The following PCDH15 variants were observed in gnomAD, a reference collection of about 807,000 sequenced individuals.
PCDH15 encodes the protein protocadherin related 15, also known as protocadherin-15.
Under a neutral mutation model 178.5 loss-of-function variants are expected in PCDH15, and 129 were observed. That is an observed-to-expected ratio of 0.72 (90% confidence interval 0.63 to 0.84). PCDH15 has a LOEUF of 0.84. Ranked by LOEUF, PCDH15 falls within the 40% of genes least tolerant of loss-of-function variation. The probability of loss-of-function intolerance (pLI) is 0.00; values close to 1 mark genes in which losing one functional copy is unlikely to be tolerated. For synonymous variants in PCDH15, 800 were observed against 732.0 expected, an observed-to-expected ratio of 1.09 and a Z score of -1.50; for missense variants, 2,230 against 2,099.9, an observed-to-expected ratio of 1.06 and a Z score of -1.21.
At chr10:54,774,138 C>T (rs1049909901) in intron 1 of PCDH15, among the ~76,000 whole-genome samples, 3 of 150,232 alleles carry the variant, frequency 2.0e-5, no homozygotes, top group African/African-American at 7.3e-5. Context: ...ACACCACTCT[C>T]CTGCCTCAAC....
At position 54,921,173 on chromosome 10, in the gene PCDH15, C is replaced by A. The variant is rs1206747592; in HGVS notation, c.-79-23673G>T. On this transcript the variant is annotated intron_variant, in intron 2 of 5. Transcript: ENST00000458638. ...TTAAATTCTTGCATCTTACCAATCT[C>A]AATTTTCCATGCTATTTAGAGTTGA... Among the ~76,000 whole-genome samples, 4 of 152,268 alleles carry A rather than the reference C, an allele frequency of 2.6e-5. No individual in the cohort carries two copies. In the East Asian group the frequency reaches 7.7e-4, roughly 29 times the overall value.
intron 1 of PCDH15, among the ~76,000 whole-genome samples, chr10:55,287,487 T>C (rs2132264283): frequency 6.6e-6 from 1 of 152,182 alleles, no homozygotes; most frequent in East Asian, 1.9e-4. Context: ...TACACGTTCC[T>C]CTTTAATATT....
At chr10:55,115,057 T>G (rs2132060098) in intron 2 of PCDH15, among the ~76,000 whole-genome samples, 1 of 152,334 alleles carries the variant, frequency 6.6e-6, no homozygotes, top group East Asian at 1.9e-4. Context: ...TGAAGAGCTT[T>G]GAAAAATAAA....
intron 2 of PCDH15, among the ~76,000 whole-genome samples, chr10:55,365,203 C>T (rs1845326603): frequency 1.3e-5 from 2 of 152,152 alleles, no homozygotes; most frequent in Admixed American, 6.5e-5. Flanking sequence ...GCCCACCATG[C>T]ACCCCAGGGA....
intron 3 of PCDH15, among the ~76,000 whole-genome samples, chr10:54,521,370 C>G (rs2082844848): frequency 6.6e-6 from 1 of 152,078 alleles, no homozygotes; most frequent in Non-Finnish European, 1.5e-5. Flanking sequence ...ATGCTATTTG[C>G]TATTTTCTCA....
At chr10:54,081,564 A>C (rs1295564136) in intron 16 of PCDH15, among the ~76,000 whole-genome samples, 1 of 152,104 alleles carries the variant, frequency 6.6e-6, no homozygotes, top group East Asian at 1.9e-4. Context: ...GGAGAAACAC[A>C]GGCAGTGTAT....
rs572876519 is a variant in PCDH15, at chr10:55,070,637, T to C, written c.-80+95939A>G. Among the ~76,000 whole-genome samples the C allele has an allele frequency of 1.2e-4, 19 of 152,292 alleles. No individual in the cohort carries two copies. In the South Asian group the frequency reaches 3.3e-3, roughly 27 times the overall value. ...GGCTCTGTTCTGTTCCATTGATCTA[T>C]ATCTGTTTTGGTACCAGTACCATGC... is the stretch of plus-strand genomic sequence containing the variant. On this transcript the variant is annotated intron_variant, in intron 2 of 5. Transcript: ENST00000458638.
At chr10:53,920,663 C>G (rs560040993) in intron 25 of PCDH15, among the ~76,000 whole-genome samples, 1 of 152,108 alleles carries the variant, frequency 6.6e-6, no homozygotes, top group Non-Finnish European at 1.5e-5. Context: ...CCTTTCTATG[C>G]CTTTTCTAAA....
intron 21 of PCDH15, among the ~76,000 whole-genome samples, chr10:53,964,446 TTTTA>T (rs2088760617): frequency 6.8e-6 from 1 of 146,938 alleles, no homozygotes; most frequent in Non-Finnish European, 1.5e-5. Flanking sequence ...TTTTATAAAA[TTTTA>T]TTTATTCATA....
intron 2 of PCDH15, among the ~76,000 whole-genome samples, chr10:55,399,153 G>A (rs1387849664): frequency 1.3e-5 from 2 of 152,076 alleles, no homozygotes; most frequent in African/African-American, 4.8e-5. Context: ...CATTCTATAT[G>A]TAGTAGAAAA....
intron 15 of PCDH15, among the ~76,000 whole-genome samples, chr10:54,116,338 T>C (rs541142237): frequency 6.6e-6 from 1 of 152,058 alleles, no homozygotes; most frequent in African/African-American, 2.4e-5. Context: ...AACCACAACT[T>C]TCTTCAGGCC....
intron 20 of PCDH15, among the ~76,000 whole-genome samples, chr10:54,017,327 G>T (rs2092771870): frequency 6.6e-6 from 1 of 152,038 alleles, no homozygotes; most frequent in Non-Finnish European, 1.5e-5. Flanking sequence ...GCCCAGCCAA[G>T]ATATAATATG....
At chr10:54,109,430 A>G (rs2094974242) in intron 15 of PCDH15, among the ~76,000 whole-genome samples, 2 of 152,218 alleles carry the variant, frequency 1.3e-5, no homozygotes, top group Admixed American at 1.3e-4. Context: ...AATCAAAGGC[A>G]TCAAACTCTG....
chr10:54,382,137 G>A (rs1463833217), intron 3 of PCDH15, among the ~76,000 whole-genome samples: 1 of 152,058 alleles, frequency 6.6e-6, no homozygotes, highest in Non-Finnish European at 1.5e-5. Context: ...ATCTTTTACA[G>A]CCTTAAATAC....
chr10:54,537,288 C>T (rs766508428), intron 2 of PCDH15, among the ~76,000 whole-genome samples: 3 of 152,014 alleles, frequency 2.0e-5, no homozygotes, highest in Non-Finnish European at 4.4e-5. Flanking sequence ...CCTGAGCCAA[C>T]GCGACCGGCC....
At chr10:55,231,110 A>G (rs1264394535) in intron 1 of PCDH15, among the ~76,000 whole-genome samples, 1 of 152,046 alleles carries the variant, frequency 6.6e-6, no homozygotes, top group African/African-American at 2.4e-5. Flanking sequence ...CGTAGCCAGA[A>G]TATAGCTTTG....
chr10:55,160,017 C>A (rs1839019037), intron 2 of PCDH15, among the ~76,000 whole-genome samples: 1 of 151,872 alleles, frequency 6.6e-6, no homozygotes, highest in Middle Eastern at 3.4e-3. Flanking sequence ...AAAGCTACTC[C>A]AAATCTTCTT....
At chr10:55,052,183 G>T (rs926705629) in intron 2 of PCDH15, among the ~76,000 whole-genome samples, 2 of 151,532 alleles carry the variant, frequency 1.3e-5, no homozygotes, top group African/African-American at 4.9e-5. Context: ...TGCCTCTTGG[G>T]TTCAAGCCAT....
intron 2 of PCDH15, among the ~76,000 whole-genome samples, chr10:54,590,145 A>G (rs768151558): frequency 1.3e-5 from 2 of 152,160 alleles, no homozygotes; most frequent in Non-Finnish European, 2.9e-5. Flanking sequence ...ATTTTATTCC[A>G]TTTAGTGAAC....
Sources: allele counts gnomAD v4.1 joint callset (sites outside exome capture counted in the v4.1 genomes callset), GRCh38; gene constraint gnomAD v4.1.1; transcripts MANE v1.5; gene names NCBI Gene and HGNC (gene_info 2026-07-23, HGNC 2026-07-21).